Variants in HNRNPF observed in about 807,000 individuals in gnomAD.
HNRNPF encodes the protein heterogeneous nuclear ribonucleoprotein F.
Under a neutral mutation model 26.0 loss-of-function variants are expected in HNRNPF, and 2 were observed. The observed-to-expected ratio is 0.08, with a 90% CI of 0.03 to 0.24. The LOEUF is 0.24. HNRNPF is among the 10% of genes least tolerant of loss of function. HNRNPF has a pLI of 1.00. For missense variants in HNRNPF, 299 were observed against 539.2 expected (o/e 0.55, Z 4.41); for synonymous variants, 234 against 211.5 (o/e 1.11, Z -0.92).
chr10:43,394,730 T>C (rs1298178643), intron 2 of HNRNPF, 42 bp from the exon 3 acceptor site: 1 of 151,892 alleles, frequency 6.6e-6, no homozygotes, highest in East Asian at 1.9e-4. Context: ...TGGTCTCAGA[T>C]CCTAGGCACT....
At chr10:43,402,463 T>G (rs895008397) in intron 1 of HNRNPF, among the ~76,000 whole-genome samples, 1 of 152,200 alleles carries the variant, frequency 6.6e-6, no homozygotes, top group Non-Finnish European at 1.5e-5. Flanking sequence ...TTATTTCTCC[T>G]GCCTGAAAAG....
intron 1 of HNRNPF, chr10:43,407,892 G>A (rs1231935115): frequency 6.6e-6 from 1 of 152,156 alleles, no homozygotes; most frequent in Admixed American, 6.6e-5. Flanking sequence ...GCAGCCACGT[G>A]AGCGCGCGGC....
At chr10:43,401,289 G>A (rs767151400) in intron 1 of HNRNPF, among the ~76,000 whole-genome samples, 3 of 152,126 alleles carry the variant, frequency 2.0e-5, no homozygotes, top group African/African-American at 7.2e-5. Context: ...TTCCCTCAGC[G>A]TTCATTTCTC....
At chr10:43,394,361 A>T (rs1479125332) in intron 3 of HNRNPF, among the ~76,000 whole-genome samples, 1 of 152,236 alleles carries the variant, frequency 6.6e-6, no homozygotes, top group East Asian at 1.9e-4. Context: ...TCTGAAGGCA[A>T]GGCGAAGAGA....
At chr10:43,408,041 C>T (rs1440556758) in intron 1 of HNRNPF, among the ~76,000 whole-genome samples, 2 of 152,228 alleles carry the variant, frequency 1.3e-5, no homozygotes, top group African/African-American at 4.8e-5. Flanking sequence ...CCCGCCTCAG[C>T]CTCCCGAGTA....
At chr10:43,406,226 C>T (rs1838913752) in intron 1 of HNRNPF, among the ~76,000 whole-genome samples, 1 of 152,222 alleles carries the variant, frequency 6.6e-6, no homozygotes, top group African/African-American at 2.4e-5. Flanking sequence ...CACATTTCTG[C>T]AGCCCCTGCA....
chr10:43,391,283 ACT>A (rs1390614642), intron 3 of HNRNPF, among the ~76,000 whole-genome samples: 2 of 126,306 alleles, frequency 1.6e-5, no homozygotes, highest in Admixed American at 7.8e-5. Flanking sequence ...ACAGTGCAAG[ACT>A]CTGTCTCAAA....
chr10:43,389,483 G>C (rs78524745), intron 3 of HNRNPF, among the ~76,000 whole-genome samples: 2,382 of 152,272 alleles, frequency 0.016, 65 homozygotes, highest in African/African-American at 0.054. Context: ...ACTAGCTTCA[G>C]GGAAAATTAG....
At chr10:43,391,333 C>A (rs1838237459) in intron 3 of HNRNPF, among the ~76,000 whole-genome samples, 1 of 151,838 alleles carries the variant, frequency 6.6e-6, no homozygotes, top group South Asian at 2.1e-4. Flanking sequence ...TGGTGGGCGC[C>A]TGTAGTCCCA....
chr10:43,401,241 T>TA (rs1181187460), intron 1 of HNRNPF, among the ~76,000 whole-genome samples: 4 of 152,272 alleles, frequency 2.6e-5, no homozygotes, highest in African/African-American at 7.2e-5. Flanking sequence ...TCCTTTCACT[T>TA]ACTTGCTGTA....
chr10:43,404,754 C>T (rs1838858955), intron 1 of HNRNPF, among the ~76,000 whole-genome samples: 1 of 151,968 alleles, frequency 6.6e-6, no homozygotes, highest in East Asian at 1.9e-4. Flanking sequence ...TTGCTTGAAC[C>T]CAGGAGGCAG....
chr10:43,394,457 G>T (rs189734964), intron 3 of HNRNPF, among the ~76,000 whole-genome samples, 173 bp downstream of exon 3: 1 of 152,212 alleles, frequency 6.6e-6, no homozygotes, highest in East Asian at 1.9e-4. Flanking sequence ...CCATTTCTCA[G>T]AAGTCCTAAG....
At chr10:43,389,496 AT>A (rs1488994539) in intron 3 of HNRNPF, among the ~76,000 whole-genome samples, 1 of 152,246 alleles carries the variant, frequency 6.6e-6, no homozygotes. Flanking sequence ...AAAATTAGTA[AT>A]TTTAAAGTTT....
At chr10:43,389,602 A>G (rs951404600) in intron 3 of HNRNPF, among the ~76,000 whole-genome samples, 3 of 152,186 alleles carry the variant, frequency 2.0e-5, no homozygotes, top group Non-Finnish European at 2.9e-5. Flanking sequence ...AATCTTTCAA[A>G]TTTACCTGTG....
In HNRNPF at chr10:43,385,934, A is replaced by G. The variant is rs1838007284; in HGVS notation, c.*703T>C. ...CATAGATTTGATGTATGAAATTTTTAAATTCACACTAAAATACATTACGAT... is the reference window on the plus strand; with the variant it reads ...CATAGATTTGATGTATGAAATTTTTGAATTCACACTAAAATACATTACGAT... On this transcript the variant is annotated 3_prime_UTR_variant, in exon 4 of 4. Coordinates refer to ENST00000682386, the MANE Select transcript of HNRNPF (RefSeq NM_001098204.2). 4 of 152,670 alleles carry G rather than the reference A, an allele frequency of 2.6e-5. No homozygotes were observed. The highest frequency in any genetic ancestry group is 1.3e-4 in the Admixed American group (2 of 15,280). 9.5% of individuals were successfully genotyped at this position (152,670 alleles called of 1,614,324 possible). A position where few individuals can be genotyped will look rare whatever the true frequency, so the allele number is the denominator to read the frequency against.
At chr10:43,405,624 C>G (rs554018407) in intron 1 of HNRNPF, among the ~76,000 whole-genome samples, 27 of 151,776 alleles carry the variant, frequency 1.8e-4, no homozygotes, top group African/African-American at 6.3e-4. Flanking sequence ...CCACTGCACT[C>G]CAGCCTGGGT....
intron 1 of HNRNPF, among the ~76,000 whole-genome samples, chr10:43,400,943 G>A (rs1183820867): frequency 1.2e-4 from 18 of 152,082 alleles, no homozygotes; most frequent in Non-Finnish European, 2.1e-4. Flanking sequence ...TTAGCCAAAC[G>A]TGGTGGCAGG....
chr10:43,393,938 T>A (rs749727545), intron 3 of HNRNPF, among the ~76,000 whole-genome samples: 1 of 152,210 alleles, frequency 6.6e-6, no homozygotes, highest in Non-Finnish European at 1.5e-5. Flanking sequence ...ATCCCACTAA[T>A]CCTTAAGGTC....
Position 43,387,500 on chromosome 10 carries a change from G to C in HNRNPF, c.385C>G (p.Gln129Glu). The change falls in exon 4 of 4, where the codon CAG becomes GAG. Residue 129 changes from glutamine to glutamate, a missense_variant. Around this residue, in one of 6 missense-constraint regions of HNRNPF, gnomAD observed 104 missense variants for 239.0 expected, o/e 0.44. Transcript: ENST00000682386. This position sits in a 1 kb window ranked among gnomAD's most constrained non-coding sequence, Gnocchi z 6.0. ...ACAATTTCCAACCCTGAGAAGAACT[G>C]AACAATTTCTTCCTTTGTGCATCCA... ...PFGCTKEEIV[Q>E]FFSGLEIVPN... 6.2e-7 allele frequency: 1 copy of C among 1,614,186 alleles called. No homozygotes were observed.
Sources: allele counts gnomAD v4.1 joint callset (sites outside exome capture counted in the v4.1 genomes callset), GRCh38; gene constraint gnomAD v4.1.1; regional missense constraint gnomAD v4.1.1; non-coding constraint Gnocchi (gnomAD v3.1); transcripts MANE v1.5; gene names NCBI Gene and HGNC (gene_info 2026-07-23, HGNC 2026-07-21).